The following DHRSX variants were observed in gnomAD, a reference collection of about 807,000 sequenced individuals.
DHRSX encodes dehydrogenase/reductase X-linked.
A neutral mutation model predicts 34.0 loss-of-function variants in DHRSX; 31 were observed. That is an observed-to-expected ratio of 0.91 (90% CI 0.69 to 1.23). The LOEUF is 1.23. DHRSX is among the 50% of genes most tolerant of loss of function. The probability of loss-of-function intolerance (pLI) is 0.00; values close to 1 mark genes in which losing one functional copy is unlikely to be tolerated. For synonymous variants in DHRSX, 201 were observed against 183.8 expected (o/e 1.09, Z -0.76); for missense variants, 414 against 428.1 (o/e 0.97, Z 0.29).
intron 6 of DHRSX, among the ~76,000 whole-genome samples, chrX:2,224,950 G>C (rs775442292): frequency 1.3e-5 from 1 of 76,550 alleles, no homozygotes; most frequent in Non-Finnish European, 2.3e-5. Flanking sequence ...CATGTACACA[G>C]CTCACACACA....
chrX:2,299,398 T>C (rs768190372), intron 3 of DHRSX, among the ~76,000 whole-genome samples: 1 of 152,116 alleles, frequency 6.6e-6, no homozygotes, highest in African/African-American at 2.4e-5. Context: ...GCACCTAGCA[T>C]GGTGAATGAT....
At chrX:2,295,594 A>G (rs141237915) in intron 3 of DHRSX, among the ~76,000 whole-genome samples, 3,845 of 152,268 alleles carry the variant, frequency 0.025, 132 homozygotes, top group African/African-American at 0.077. Context: ...AAACAAGAAG[A>G]AAAGGAAATG....
intron 1 of DHRSX, among the ~76,000 whole-genome samples, chrX:2,485,906 G>A (rs1569506254): frequency 6.7e-6 from 1 of 148,338 alleles, no homozygotes; most frequent in Non-Finnish European, 1.5e-5. Flanking sequence ...AAGGATGGGA[G>A]GGAAGGAAGG....
intron 5 of DHRSX, among the ~76,000 whole-genome samples, chrX:2,262,186 C>G (rs1400757486): frequency 6.6e-6 from 1 of 152,186 alleles, no homozygotes; most frequent in Admixed American, 6.5e-5. Context: ...CCAGGCAAAC[C>G]CTTCAGCATG....
chrX:2,248,680 G>T (rs1362369163), intron 5 of DHRSX, among the ~76,000 whole-genome samples: 1 of 137,628 alleles, frequency 7.3e-6, no homozygotes, highest in Non-Finnish European at 1.6e-5. Flanking sequence ...GAAATTCCTT[G>T]ACCTGCCTTG....
At chrX:2,338,771 C>T (rs1190131610) in intron 3 of DHRSX, among the ~76,000 whole-genome samples, 1 of 152,010 alleles carries the variant, frequency 6.6e-6, no homozygotes, top group Non-Finnish European at 1.5e-5. Flanking sequence ...AGAATCATAA[C>T]CCAAATAAAC....
At chrX:2,388,706 G>A (rs2043300234) in intron 3 of DHRSX, among the ~76,000 whole-genome samples, 1 of 151,760 alleles carries the variant, frequency 6.6e-6, no homozygotes, top group Non-Finnish European at 1.5e-5. Context: ...GACTCTGTGA[G>A]GACACAGGGA....
intron 1 of DHRSX, among the ~76,000 whole-genome samples, chrX:2,430,346 C>A (rs1032999009): frequency 4.0e-5 from 6 of 151,678 alleles, no homozygotes; most frequent in African/African-American, 1.5e-4. Flanking sequence ...GTTTTCCTTA[C>A]GGACCAGGAA....
chrX:2,399,511 C>A (rs2043458227), intron 3 of DHRSX, among the ~76,000 whole-genome samples: 2 of 151,068 alleles, frequency 1.3e-5, no homozygotes, highest in Non-Finnish European at 2.9e-5. Context: ...TCAAGACCAT[C>A]CTGGCTAACA....
intron 5 of DHRSX, among the ~76,000 whole-genome samples, chrX:2,247,655 CAAAAAAAAA>C (rs752111695): frequency 2.1e-5 from 2 of 96,900 alleles, no homozygotes; most frequent in South Asian, 3.4e-4. Flanking sequence ...CTCCGTCTCA[CAAAAAAAAA>C]AAAAAAAAAA....
intron 1 of DHRSX, among the ~76,000 whole-genome samples, chrX:2,459,847 C>T (rs761017412): frequency 6.6e-4 from 101 of 152,164 alleles, no homozygotes; most frequent in African/African-American, 2.3e-3. Flanking sequence ...GTGGCTCACG[C>T]CTGTCATCCC....
chrX:2,469,119 G>A lies in DHRSX; in HGVS notation c.109+31698C>T, dbSNP rs1438676118. Among the ~76,000 whole-genome samples the A allele has an allele frequency of 3.3e-5, 5 of 150,952 alleles. No individual in the cohort carries two copies. The South Asian group carries it at 1.0e-3, about 32-fold the overall frequency. ...CCACTGCCATGTACACACTGAAGAC[G>A]TTCCCTAACAATGCGCCCAAGGGAC... On this transcript the variant is annotated intron_variant, in intron 1 of 6. Transcript: ENST00000334651.
chrX:2,405,575 G>A (rs149713480), intron 3 of DHRSX, among the ~76,000 whole-genome samples: 3,298 of 152,190 alleles, frequency 0.022, 54 homozygotes, highest in Middle Eastern at 0.075. Flanking sequence ...GGAGGCCGAG[G>A]TGAATGGACC....
intron 1 of DHRSX, chrX:2,488,722 C>T (rs775129749): frequency 1.9e-6 from 3 of 1,613,858 alleles, no homozygotes; most frequent in South Asian, 1.1e-5. Context: ...CCAGGCCCCA[C>T]TCCCCCTCGT....
Position 2,285,576 on chromosome X carries a change from CCTT to C in DHRSX, c.388+5923_388+5925del, listed in dbSNP as rs758803864. Among the ~76,000 whole-genome samples, 31 of 152,218 alleles carry C rather than the reference CCTT, an allele frequency of 2.0e-4. No homozygotes were observed. In the East Asian group the frequency reaches 6.0e-3, roughly 29 times the overall value. On this transcript the variant is annotated intron_variant, in intron 4 of 6. Transcript: ENST00000334651. ...GCTTTGCTTGTTCACTTGCCACTCA[CCTT>C]CTGCTGTGCGGCCGGTGTCCTAACA...
At chrX:2,465,221 C>T (rs1243960260) in intron 1 of DHRSX, among the ~76,000 whole-genome samples, 1 of 150,528 alleles carries the variant, frequency 6.6e-6, no homozygotes, top group East Asian at 1.9e-4. Context: ...CCACACACTT[C>T]CTACAGCTGT....
chrX:2,462,189 A>G (rs1330430980), intron 1 of DHRSX, among the ~76,000 whole-genome samples: 1 of 151,870 alleles, frequency 6.6e-6, no homozygotes, highest in East Asian at 1.9e-4. Flanking sequence ...TGCCTCAAAA[A>G]AAAAAAAAAA....
chrX:2,349,382 T>C (rs1246700195), intron 3 of DHRSX, among the ~76,000 whole-genome samples: 1 of 151,738 alleles, frequency 6.6e-6, no homozygotes, highest in African/African-American at 2.4e-5. Context: ...TGGGATACTA[T>C]GCAGCCTTCA....
chrX:2,483,232 C>T (rs1165598668), intron 1 of DHRSX, among the ~76,000 whole-genome samples: 2 of 151,782 alleles, frequency 1.3e-5, no homozygotes, highest in East Asian at 1.9e-4. Context: ...ATCACACATG[C>T]GTGCCACCAT....
Sources: allele counts gnomAD v4.1 joint callset (sites outside exome capture counted in the v4.1 genomes callset), GRCh38; gene constraint gnomAD v4.1.1; transcripts MANE v1.5; gene names NCBI Gene and HGNC (gene_info 2026-07-23, HGNC 2026-07-21).